VDAC2: variants seen among roughly 807,000 people sequenced by gnomAD.
VDAC2 encodes the protein non-selective voltage-gated ion channel VDAC2.
Under a neutral mutation model 36.6 loss-of-function variants are expected in VDAC2, and 6 were observed. The ratio of observed to expected loss-of-function variants is 0.16; its 90% CI spans 0.09 to 0.32. The LOEUF (loss-of-function observed/expected upper bound fraction) is 0.32, where lower values mean the gene tolerates loss of function less well. VDAC2 is among the 10% of genes least tolerant of loss of function. The pLI is 1.00. For synonymous variants in VDAC2, 109 were observed against 123.8 expected, an observed-to-expected ratio of 0.88 and a Z score of 0.79; for missense variants, 247 against 346.0, an observed-to-expected ratio of 0.71 and a Z score of 2.27.
intron 6 of VDAC2, among the ~76,000 whole-genome samples, chr10:75,220,466 C>T (rs1841778372): frequency 1.3e-5 from 2 of 152,138 alleles, no homozygotes; most frequent in South Asian, 4.1e-4. Context: ...AAATATTTGC[C>T]TCTTTGTTGT....
intron 7 of VDAC2, among the ~76,000 whole-genome samples, chr10:75,221,416 TC>T (rs1011581880): frequency 2.6e-4 from 39 of 152,142 alleles, no homozygotes; most frequent in African/African-American, 9.4e-4. Context: ...CACTCCAACA[TC>T]CGCCTCCCGG....
chr10:75,221,888 G>A (rs781476511), intron 7 of VDAC2, among the ~76,000 whole-genome samples: 13 of 152,152 alleles, frequency 8.5e-5, no homozygotes, highest in Admixed American at 2.0e-4. Context: ...GAAAACCTAC[G>A]TTTCTTACAA....
At chr10:75,218,088 CA>C (rs879352648) in intron 4 of VDAC2, 19,508 of 258,468 alleles carry the variant, frequency 0.075, 2 homozygotes, top group South Asian at 0.14. Flanking sequence ...GATGCTGTCT[CA>C]AAAAAAAAAA....
rs1292409080 is a variant in VDAC2 at position 75,219,194 on chromosome 10, A to G, written c.282A>G (p.Thr94=). 6.2e-7 allele frequency: 1 copy of G among 1,601,414 alleles called. No individual in the cohort carries two copies. The highest frequency in any genetic ancestry group is 1.2e-5 in the South Asian group (1 of 86,818). Residue 94 remains threonine (T), a synonymous_variant, in exon 5 of 10, where the codon ACA becomes ACG. Transcript: ENST00000332211. The part of the protein sequence containing the change: ...EKWNTDNTLG[T]EIAIEDQICQ... ...GGAACACTGATAACACTCTGGGAAC[A>G]GAAATCGCAATTGAAGACCAGGTAA...
intron 7 of VDAC2, 36 bp downstream of exon 7, chr10:75,221,006 C>T: frequency 1.3e-6 from 2 of 1,571,346 alleles, no homozygotes; most frequent in Non-Finnish European, 1.7e-6. Flanking sequence ...GTGATGTGGG[C>T]CCTCAGAGGA....
At chr10:75,219,712 T>G (rs1171062550) in intron 6 of VDAC2, among the ~76,000 whole-genome samples, 1 of 150,472 alleles carries the variant, frequency 6.6e-6, no homozygotes, top group Non-Finnish European at 1.5e-5. Context: ...CTGGAACTCC[T>G]GACCTCAGGT....
intron 3 of VDAC2, among the ~76,000 whole-genome samples, chr10:75,213,350 G>A (rs1841491185): frequency 6.6e-6 from 1 of 152,152 alleles, no homozygotes; most frequent in Non-Finnish European, 1.5e-5. Context: ...GAAGTGCTAG[G>A]ATTTCAGGCG....
intron 9 of VDAC2, among the ~76,000 whole-genome samples, chr10:75,229,912 G>A (rs1240187438): frequency 6.7e-6 from 1 of 149,786 alleles, no homozygotes; most frequent in Non-Finnish European, 1.5e-5. Context: ...CTTCTCTTCA[G>A]AATAAGGCCC....
At chr10:75,212,152 C>T (rs1841443030) in intron 2 of VDAC2, 78 bp from the exon 3 acceptor site, 3 of 1,243,936 alleles carry the variant, frequency 2.4e-6, no homozygotes, top group South Asian at 2.5e-5. Context: ...TTAATATCAG[C>T]AGTGGGTCAT....
intron 8 of VDAC2, among the ~76,000 whole-genome samples, chr10:75,225,288 C>G (rs1382298371): frequency 6.6e-6 from 1 of 152,120 alleles, no homozygotes; most frequent in East Asian, 1.9e-4. Context: ...TTCTGTCAAC[C>G]TAAAGGAAGA....
At chr10:75,229,978 C>T (rs1303097344) in intron 9 of VDAC2, among the ~76,000 whole-genome samples, 1 of 151,298 alleles carries the variant, frequency 6.6e-6, no homozygotes, top group African/African-American at 2.4e-5. Context: ...GTTAGTGATT[C>T]CTTATTATTT....
At chr10:75,224,343 G>A (rs949166713) in intron 8 of VDAC2, among the ~76,000 whole-genome samples, 1 of 152,112 alleles carries the variant, frequency 6.6e-6, no homozygotes, top group African/African-American at 2.4e-5. Flanking sequence ...AAACTGAGTT[G>A]GTTTTTTTCT....
Position 75,230,885 on chromosome 10 carries a change from T to G in VDAC2, c.794-13T>G, listed in dbSNP as rs763927145. ...TCACGGTTTTTTGTTTTTGTGTTTT[T>G]TTGTCTTAATAGGTGTGAAGCTTAC... On this transcript the variant is annotated splice_polypyrimidine_tract_variant and intron_variant, in intron 9 of 9. Coordinates refer to ENST00000332211, the MANE Select transcript of VDAC2 (RefSeq NM_001391963.1). The G allele has an allele frequency of 6.2e-7, 1 of 1,608,232 alleles. No individual in the cohort carries two copies. The highest frequency in any genetic ancestry group is 8.5e-7 in the Non-Finnish European group (1 of 1,177,446).
chr10:75,229,776 C>T, intron 9 of VDAC2, 75 bp downstream of exon 9: 1 of 1,214,010 alleles, frequency 8.2e-7, no homozygotes, highest in African/African-American at 1.6e-5. Context: ...GCTTACTTTT[C>T]AGACCTTTCA....
chr10:75,215,998 G>A (rs567934650), intron 4 of VDAC2, among the ~76,000 whole-genome samples: 10 of 152,236 alleles, frequency 6.6e-5, no homozygotes, highest in Non-Finnish European at 1.2e-4. Flanking sequence ...GAGCCACAGC[G>A]CTAGCCCTGT....
chr10:75,219,025 T>C (rs1841707753), intron 4 of VDAC2, 38 bp from the exon 5 acceptor site: 1 of 1,590,124 alleles, frequency 6.3e-7, no homozygotes, highest in Non-Finnish European at 8.6e-7. Flanking sequence ...ATTCTAGGCT[T>C]ATGAGAATGT....
At chr10:75,221,159 C>A (rs1280353442) in intron 7 of VDAC2, 189 bp downstream of exon 7, 4 of 570,752 alleles carry the variant, frequency 7.0e-6, no homozygotes, top group Non-Finnish European at 1.2e-5. Flanking sequence ...ACCTTTGGTG[C>A]TGAGAGAGTA....
At chr10:75,228,384 C>T (rs1433240756) in intron 8 of VDAC2, among the ~76,000 whole-genome samples, 2 of 151,950 alleles carry the variant, frequency 1.3e-5, no homozygotes, top group African/African-American at 4.8e-5. Context: ...CCCCCCACTT[C>T]CCTGGTAGTT....
Position 75,222,292 on chromosome 10 carries a change from G to A in VDAC2, c.625G>A (p.Val209Ile), listed in dbSNP as rs991353530. ...ATTTGGAGGATCAATTTATCAGAAA[G>A]TTTGTGAAGATCTTGACACTTCAGT... ...TEFGGSIYQK[V>I]CEDLDTSVNL... Residue 209 changes from valine to isoleucine, a missense_variant, in exon 8 of 10, where the codon GTT becomes ATT. Val to Ile is a conservative substitution (Grantham distance 29). This residue lies in a region of VDAC2 where 159 missense variants were observed against 234.0 expected (regional missense o/e 0.68). Coordinates refer to ENST00000332211, the MANE Select transcript of VDAC2 (RefSeq NM_001391963.1). 1 of 1,614,022 alleles carries A rather than the reference G, an allele frequency of 6.2e-7. No homozygotes were observed. Among genetic ancestry groups the A allele is most frequent in the Non-Finnish European group, 8.5e-7 (1 of 1,179,962 alleles).
Sources: gnomAD v4.1 joint callset for allele counts (sites outside exome capture counted in the v4.1 genomes callset) on GRCh38, gnomAD v4.1.1 for gene constraint, gnomAD v4.1.1 regional missense constraint, MANE v1.5 for transcripts, NCBI Gene and HGNC (gene_info 2026-07-23, HGNC 2026-07-21) for gene names.